The following IFT172 variants were observed in gnomAD, a reference collection of about 807,000 sequenced individuals.
The protein encoded by IFT172 is intraflagellar transport protein 172 homolog.
IFT172 carries 164 observed loss-of-function variants against 248.9 expected under a neutral mutation model. The observed-to-expected ratio is 0.66, with a 90% CI of 0.58 to 0.75. IFT172 has a LOEUF of 0.75. IFT172 is among the 30% of genes least tolerant of loss of function. The pLI is 0.00. For missense variants in IFT172, 1,950 were observed against 2,192.4 expected (o/e 0.89, Z 2.21); for synonymous variants, 729 against 791.6 (o/e 0.92, Z 1.33).
intron 9 of IFT172, 85 bp downstream of exon 9, chr2:27,479,941 A>G: frequency 6.7e-7 from 1 of 1,497,400 alleles, no homozygotes; most frequent in Non-Finnish European, 9.0e-7. Flanking sequence ...CTATAGTGTC[A>G]GGGAACAGTG....
At chr2:27,466,162 T>C in intron 16 of IFT172, 1 of 390,152 alleles carries the variant, frequency 2.6e-6, no homozygotes. Flanking sequence ...AAGATATTCT[T>C]AAGGGATCTC....
chr2:27,467,793 A>G (rs1667219563), intron 16 of IFT172, among the ~76,000 whole-genome samples: 1 of 152,134 alleles, frequency 6.6e-6, no homozygotes, highest in South Asian at 2.1e-4. Flanking sequence ...AATAACTAAG[A>G]AACTTCCAAG....
At chr2:27,480,432 C>T (rs1004328925) in intron 8 of IFT172, among the ~76,000 whole-genome samples, 1 of 151,878 alleles carries the variant, frequency 6.6e-6, no homozygotes, top group Non-Finnish European at 1.5e-5. Flanking sequence ...AAATATGGAA[C>T]AAGGAGATAA....
At position 27,445,978 on chromosome 2, in the gene IFT172, C is replaced by T; in HGVS notation, c.4766G>A (p.Trp1589Ter). Residue 1589 changes from tryptophan (W) to a stop codon, truncating the protein, a stop_gained, in exon 44 of 48, where the codon TGG becomes TAG. Coordinates refer to ENST00000260570, the MANE Select transcript of IFT172 (RefSeq NM_015662.3). LOFTEE classifies it high-confidence loss of function. The surrounding 1 kb of genome is among the most constrained non-coding windows in gnomAD (Gnocchi z 4.4). ...EAGIAAKAVG[W>*]DNMAFIFLNR... is the part of the protein sequence containing the mutation. ...GAGGAAGATGAATGCCATGTTATCC[C>T]AGCCAACTGCCTGCAGCAAAGAAGA... is the stretch of plus-strand genomic sequence containing the variant. The T allele has an allele frequency of 2.5e-6, 4 of 1,614,232 alleles. No homozygotes were observed. The highest frequency in any genetic ancestry group is 2.5e-6 in the Non-Finnish European group (3 of 1,180,036).
intron 35 of IFT172, among the ~76,000 whole-genome samples, chr2:27,450,842 G>T (rs1180438836): frequency 6.6e-6 from 1 of 152,084 alleles, no homozygotes; most frequent in South Asian, 2.1e-4. Context: ...TCTGCCCACC[G>T]TGGCCTCCCA....
At position 27,484,283 on chromosome 2, in the gene IFT172, G is replaced by A. The variant is rs2148557736; in HGVS notation, c.297-17C>T. 2 of 1,613,452 alleles carry A rather than the reference G, an allele frequency of 1.2e-6. No homozygotes were observed. Among genetic ancestry groups the A allele is most frequent in the South Asian group, 1.1e-5 (1 of 91,054 alleles). ...TTGTCACCCCTGCCAAACAAAAGAA[G>A]GGGAAACATATTAAAAACCACTTCC... On this transcript the variant is annotated splice_polypyrimidine_tract_variant and intron_variant, in intron 3 of 47. Transcript: ENST00000260570.
At chr2:27,487,495 C>A (rs1668852615) in intron 1 of IFT172, among the ~76,000 whole-genome samples, 1 of 152,080 alleles carries the variant, frequency 6.6e-6, no homozygotes, top group Admixed American at 6.5e-5. Flanking sequence ...TATTATTATC[C>A]CCCTTTTACA....
In IFT172 at chr2:27,456,595, T is replaced by C. The variant is rs768550580; in HGVS notation, c.3287A>G (p.Lys1096Arg). The C allele has an allele frequency of 6.2e-7, 1 of 1,614,206 alleles. No individual in the cohort carries two copies. Among genetic ancestry groups the C allele is most frequent in the Non-Finnish European group, 8.5e-7 (1 of 1,180,026 alleles). The part of the protein sequence containing the change: ...AHKHVAYLWA[K>R]SLGGEAAVRL... ...AACTGCAGCCTCTCCTCCCAGGCTC[T>C]TTGCCCACAGATAGGCCACGTGTTT... The change falls in exon 30 of 48, where the codon AAG becomes AGG. Residue 1096 changes from lysine (K) to arginine (R), a missense_variant. Physicochemically the swap from Lys to Arg is conservative, Grantham distance 26. Around this residue, in one of 3 missense-constraint regions of IFT172, gnomAD observed 164 missense variants for 239.3 expected, o/e 0.69. Transcript: ENST00000260570.
rs947637366 is a variant in IFT172 at position 27,453,454 on chromosome 2, C to T, written c.3881G>A (p.Arg1294His). ...RHWEQAGEYSRAVDCYLKVRD... is the reference protein window; with the variant it reads ...RHWEQAGEYSHAVDCYLKVRD... ...CACTTTGAGGTAGCAGTCCACGGCA[C>T]GGCTGTACTCTCCAGCCTGCTCCCA... The change falls in exon 35 of 48, where the codon CGT (arginine) becomes CAT (histidine). Residue 1294 changes from arginine (R) to histidine (H), a missense_variant. By Grantham distance (29) the Arg-to-His change is conservative. This residue lies in a region of IFT172 where 620 missense variants were observed against 699.0 expected (regional missense o/e 0.89). Coordinates refer to ENST00000260570, the MANE Select transcript of IFT172 (RefSeq NM_015662.3). The T allele has an allele frequency of 8.7e-6, 14 of 1,614,014 alleles. No homozygotes were observed. The highest frequency in any genetic ancestry group is 3.3e-5 in the South Asian group (3 of 91,080).
chr2:27,449,422 C>T, intron 38 of IFT172, 42 bp from the exon 39 acceptor site: 1 of 1,614,010 alleles, frequency 6.2e-7, no homozygotes, highest in Non-Finnish European at 8.5e-7. Flanking sequence ...AAAGAGATGA[C>T]ATGAGGGAAA....
Position 27,472,287 on chromosome 2 carries a change from G to C in IFT172, c.1487C>G (p.Thr496Ser). Residue 496 changes from threonine to serine, a missense_variant, in exon 15 of 48, where the codon ACT becomes AGT. This residue lies in a region of IFT172 where 1,166 missense variants were observed against 1,254.1 expected (regional missense o/e 0.93). Coordinates refer to ENST00000260570, the MANE Select transcript of IFT172 (RefSeq NM_015662.3). ...SRVDWLELNETGHKLLFRDRK... is the reference protein window; with the variant it reads ...SRVDWLELNESGHKLLFRDRK... ...GTCCCTGAAGAGGAGCTTGTGTCCA[G>C]TCTCATTAAGTTCCAGCCAATCCAC... 4 of 1,614,070 alleles carry C rather than the reference G, an allele frequency of 2.5e-6. No individual in the cohort carries two copies. Among genetic ancestry groups the C allele is most frequent in the Non-Finnish European group, 3.4e-6 (4 of 1,179,982 alleles).
rs1665970444 is a variant in IFT172 at position 27,454,247 on chromosome 2, G to C, written c.3531-85C>G. The C allele has an allele frequency of 1.3e-6, 2 of 1,597,352 alleles. No individual in the cohort carries two copies. Among genetic ancestry groups the C allele is most frequent in the Admixed American group, 1.7e-5 (1 of 59,928 alleles). The stretch of plus-strand genomic sequence containing the variant: ...AGACAAACAGCCATGTCACTGAGGG[G>C]TGTAACACTGATTTGTTCTAGGTTT... On this transcript the variant is annotated intron_variant, in intron 32 of 47. Coordinates refer to ENST00000260570, the MANE Select transcript of IFT172 (RefSeq NM_015662.3). The surrounding 1 kb of genome is among the most constrained non-coding windows in gnomAD (Gnocchi z 4.2).
At chr2:27,459,190 G>T in intron 25 of IFT172, 188 bp downstream of exon 25, 1 of 703,950 alleles carries the variant, frequency 1.4e-6, no homozygotes, top group Non-Finnish European at 2.3e-6. Flanking sequence ...TGGGGTGAAG[G>T]GCGATATCTG....
At chr2:27,463,250 CA>C in intron 18 of IFT172, 69 bp from the exon 19 acceptor site, 1 of 1,410,254 alleles carries the variant, frequency 7.1e-7, no homozygotes, top group Non-Finnish European at 9.9e-7. Flanking sequence ...ATTGGTTCAG[CA>C]AATACAAATT....
intron 41 of IFT172, 73 bp from the exon 42 acceptor site, chr2:27,447,707 G>C (rs1470198333): frequency 2.5e-6 from 4 of 1,611,012 alleles, no homozygotes; most frequent in Non-Finnish European, 2.5e-6. Flanking sequence ...GTCTCTGATA[G>C]CCACCTGGCA....
chr2:27,468,569 G>A (rs770196636), intron 16 of IFT172, among the ~76,000 whole-genome samples: 12 of 152,034 alleles, frequency 7.9e-5, no homozygotes, highest in Non-Finnish European at 1.3e-4. Context: ...CCAAAGAGAG[G>A]CCAGGCACGA....
At chr2:27,452,442 A>G (rs751671249) in intron 35 of IFT172, among the ~76,000 whole-genome samples, 1 of 152,138 alleles carries the variant, frequency 6.6e-6, no homozygotes, top group African/African-American at 2.4e-5. Flanking sequence ...CTTTTAATAA[A>G]TCTCTTTATA....
intron 14 of IFT172, among the ~76,000 whole-genome samples, chr2:27,475,833 T>C (rs974406610): frequency 1.3e-5 from 2 of 151,800 alleles, no homozygotes; most frequent in Non-Finnish European, 2.9e-5. Flanking sequence ...GGTCTCACCA[T>C]GTTGCCTAGG....
chr2:27,473,340 A>T (rs113954968), intron 14 of IFT172, among the ~76,000 whole-genome samples: 27 of 140,314 alleles, frequency 1.9e-4, no homozygotes, highest in Admixed American at 1.1e-3. Context: ...ACTTCACTCC[A>T]GCCTGGATGA....
Sources: allele counts gnomAD v4.1 joint callset (sites outside exome capture counted in the v4.1 genomes callset), GRCh38; gene constraint gnomAD v4.1.1; regional missense constraint gnomAD v4.1.1; non-coding constraint Gnocchi (gnomAD v3.1); transcripts MANE v1.5; gene names NCBI Gene and HGNC (gene_info 2026-07-23, HGNC 2026-07-21).